LMX1A: variants seen among roughly 807,000 people sequenced by gnomAD.
The protein encoded by LMX1A is LIM homeobox transcription factor 1 alpha.
Under a neutral mutation model 49.1 loss-of-function variants are expected in LMX1A, and 15 were observed. The observed-to-expected ratio is 0.31, with a 90% CI of 0.20 to 0.47. The LOEUF is 0.47. LMX1A is among the 20% of genes least tolerant of loss of function. The probability of loss-of-function intolerance (pLI) is 1.00; values close to 1 mark genes in which losing one functional copy is unlikely to be tolerated. For missense variants in LMX1A, 372 were observed against 475.8 expected (o/e 0.78, Z 2.03); for synonymous variants, 167 against 185.7 (o/e 0.90, Z 0.82).
At chr1:165,296,542 C>T (rs1327211015) in intron 3 of LMX1A, among the ~76,000 whole-genome samples, 1 of 152,246 alleles carries the variant, frequency 6.6e-6, no homozygotes, top group East Asian at 1.9e-4. Flanking sequence ...ACTGTGTCAC[C>T]TTCTTCAATG....
At chr1:165,330,341 G>A (rs1030689513) in intron 3 of LMX1A, among the ~76,000 whole-genome samples, 1 of 152,202 alleles carries the variant, frequency 6.6e-6, no homozygotes, top group Non-Finnish European at 1.5e-5. Context: ...GGGCATGATG[G>A]CACATGCCTG....
chr1:165,275,873 GT>G (rs1440616995), intron 3 of LMX1A, among the ~76,000 whole-genome samples: 1 of 150,378 alleles, frequency 6.6e-6, no homozygotes, highest in African/African-American at 2.5e-5. Context: ...GTGTGTGTGT[GT>G]GTGTGTGTGT....
At chr1:165,254,914 G>C (rs1653185266) in intron 3 of LMX1A, among the ~76,000 whole-genome samples, 1 of 152,312 alleles carries the variant, frequency 6.6e-6, no homozygotes, top group Non-Finnish European at 1.5e-5. Flanking sequence ...CTCTGCAAAT[G>C]ATTCCTTATC....
intron 3 of LMX1A, among the ~76,000 whole-genome samples, chr1:165,270,143 T>A (rs894170195): frequency 6.6e-6 from 1 of 152,168 alleles, no homozygotes; most frequent in African/African-American, 2.4e-5. Context: ...GGAGAAAAAG[T>A]ACTGAGATGC....
intron 4 of LMX1A, among the ~76,000 whole-genome samples, 155 bp from the exon 5 acceptor site, chr1:165,213,968 A>G (rs1651537347): frequency 6.6e-6 from 1 of 152,206 alleles, no homozygotes; most frequent in African/African-American, 2.4e-5. Flanking sequence ...GCTTCCAGGA[A>G]GAGGCTAAGA....
At chr1:165,270,462 A>G (rs1236551146) in intron 3 of LMX1A, among the ~76,000 whole-genome samples, 1 of 152,234 alleles carries the variant, frequency 6.6e-6, no homozygotes, top group East Asian at 1.9e-4. Context: ...AAACATTAAG[A>G]ATCTGAGCAG....
At chr1:165,268,729 G>A (rs931208059) in intron 3 of LMX1A, among the ~76,000 whole-genome samples, 1 of 152,152 alleles carries the variant, frequency 6.6e-6, no homozygotes, top group Non-Finnish European at 1.5e-5. Flanking sequence ...CTGTAAAATG[G>A]GCTTAGTGAC....
intron 3 of LMX1A, among the ~76,000 whole-genome samples, chr1:165,330,382 G>T (rs1655712324): frequency 6.6e-6 from 1 of 152,244 alleles, no homozygotes; most frequent in South Asian, 2.1e-4. Flanking sequence ...GCTGTGGCAG[G>T]ATTGGTTGAA....
rs116570724 is a variant in LMX1A, at chr1:165,313,574, A to C, written c.263+39502T>G. ...GGTGTGGGCAGGGCTTAAGGAAAGC[A>C]ACAAAAAATGGTATGGAATCCCAGG... is the stretch of plus-strand genomic sequence containing the variant. On this transcript the variant is annotated intron_variant, in intron 3 of 8. Transcript: ENST00000342310. Among the ~76,000 whole-genome samples, 841 of 151,368 alleles carry C rather than the reference A, an allele frequency of 5.6e-3. 8 individuals carry two copies. Among genetic ancestry groups the C allele is most frequent in the African/African-American group, 0.019 (768 of 41,236 alleles).
At chr1:165,302,868 T>C (rs1362577024) in intron 3 of LMX1A, among the ~76,000 whole-genome samples, 1 of 152,210 alleles carries the variant, frequency 6.6e-6, no homozygotes, top group Non-Finnish European at 1.5e-5. Flanking sequence ...CTCAGCATAG[T>C]TGATTTTCCT....
intron 5 of LMX1A, among the ~76,000 whole-genome samples, chr1:165,211,918 T>C (rs1473938834): frequency 6.6e-6 from 1 of 152,148 alleles, no homozygotes; most frequent in African/African-American, 2.4e-5. Context: ...CGCATCTCCT[T>C]CTTGCTGGTT....
chr1:165,258,156 T>A (rs1253807406), intron 3 of LMX1A, among the ~76,000 whole-genome samples: 3 of 152,226 alleles, frequency 2.0e-5, no homozygotes, highest in African/African-American at 7.2e-5. Flanking sequence ...CCATGTTGAC[T>A]TGGTAACTGA....
intron 3 of LMX1A, among the ~76,000 whole-genome samples, chr1:165,282,656 C>A (rs991705533): frequency 3.3e-5 from 5 of 152,152 alleles, no homozygotes; most frequent in Admixed American, 2.6e-4. Context: ...ATGCCTCCAT[C>A]CATGCTTCCA....
chr1:165,297,961 A>C (rs1654663680), intron 3 of LMX1A, among the ~76,000 whole-genome samples: 1 of 152,280 alleles, frequency 6.6e-6, no homozygotes, highest in African/African-American at 2.4e-5. Context: ...TGTATGTCAA[A>C]TGTCTGTCAC....
At chr1:165,353,708 TC>T (rs1656504202) in intron 2 of LMX1A, among the ~76,000 whole-genome samples, 1 of 152,228 alleles carries the variant, frequency 6.6e-6, no homozygotes, top group Non-Finnish European at 1.5e-5. Context: ...AACGCAGAGT[TC>T]TGTTCTATTT....
intron 3 of LMX1A, among the ~76,000 whole-genome samples, chr1:165,301,045 C>G (rs1330948936): frequency 6.6e-6 from 1 of 152,160 alleles, no homozygotes; most frequent in Non-Finnish European, 1.5e-5. Flanking sequence ...GGAAAATTCT[C>G]CTCACTGCCC....
intron 3 of LMX1A, among the ~76,000 whole-genome samples, chr1:165,323,603 A>C (rs1655484111): frequency 6.6e-6 from 1 of 152,250 alleles, no homozygotes. Flanking sequence ...CATCTCTAGC[A>C]GCACACATGG....
intron 4 of LMX1A, among the ~76,000 whole-genome samples, chr1:165,219,341 C>T (rs1234216574): frequency 6.6e-6 from 1 of 151,882 alleles, no homozygotes; most frequent in Non-Finnish European, 1.5e-5. Context: ...CATGCTAGGG[C>T]AGGGAGAGGC....
intron 4 of LMX1A, among the ~76,000 whole-genome samples, chr1:165,244,238 G>A (rs1317916813): frequency 6.6e-6 from 1 of 152,152 alleles, no homozygotes; most frequent in Non-Finnish European, 1.5e-5. Context: ...TTCTTCACCT[G>A]TCTGTTCATC....
Sources: gnomAD v4.1 joint callset for allele counts (sites outside exome capture counted in the v4.1 genomes callset) on GRCh38, gnomAD v4.1.1 for gene constraint, MANE v1.5 for transcripts, NCBI Gene and HGNC (gene_info 2026-07-23, HGNC 2026-07-21) for gene names.